The following GRIK4 variants were observed in gnomAD, a reference collection of about 807,000 sequenced individuals.
GRIK4 encodes the protein glutamate ionotropic receptor kainate type subunit 4.
In GRIK4, 40 loss-of-function variants were observed where a neutral mutation model predicts 104.9. That is an observed-to-expected ratio of 0.38 (90% CI 0.30 to 0.50). The LOEUF (loss-of-function observed/expected upper bound fraction) is 0.50. Ranked by LOEUF, GRIK4 falls within the 20% of genes least tolerant of loss-of-function variation. The pLI is 0.93. For synonymous variants in GRIK4, 485 were observed against 524.9 expected (o/e 0.92, Z 1.04); for missense variants, 1,047 against 1,308.1 (o/e 0.80, Z 3.08).
chr11:120,918,163 G>C (rs1943150690), intron 13 of GRIK4, among the ~76,000 whole-genome samples: 1 of 152,170 alleles, frequency 6.6e-6, no homozygotes, highest in South Asian at 2.1e-4. Flanking sequence ...AGCACGCAGG[G>C]ACCAAGCCTC....
chr11:120,874,262 G>A, intron 10 of GRIK4, 44 bp downstream of exon 10: 1 of 1,532,860 alleles, frequency 6.5e-7, no homozygotes, highest in Non-Finnish European at 8.9e-7. Flanking sequence ...CCAGGCTAGT[G>A]GGGTGGGACA....
intron 1 of GRIK4, among the ~76,000 whole-genome samples, chr11:120,631,325 G>C (rs1326547575): frequency 6.6e-6 from 1 of 152,190 alleles, no homozygotes; most frequent in African/African-American, 2.4e-5. Context: ...CTGACCCTAG[G>C]GTCTGGGGTG....
At chr11:120,837,176 G>A (rs539945779) in intron 8 of GRIK4, among the ~76,000 whole-genome samples, 3 of 152,186 alleles carry the variant, frequency 2.0e-5, no homozygotes, top group Non-Finnish European at 4.4e-5. Context: ...GGGATCAGGT[G>A]TCCTAAAAAG....
intron 12 of GRIK4, among the ~76,000 whole-genome samples, chr11:120,904,785 G>T (rs548211123): frequency 2.6e-5 from 4 of 152,148 alleles, no homozygotes; most frequent in African/African-American, 9.6e-5. Context: ...GCCTCCTCCA[G>T]AGCCCAGCTT....
intron 13 of GRIK4, among the ~76,000 whole-genome samples, chr11:120,912,148 A>G (rs1479041463): frequency 1.3e-5 from 2 of 152,082 alleles, no homozygotes; most frequent in Non-Finnish European, 2.9e-5. Flanking sequence ...AGAGAGGGAG[A>G]ATGTAGGATG....
chr11:120,979,620 T>C lies in GRIK4; in HGVS notation c.2396-2486T>C, dbSNP rs149102664. On this transcript the variant is annotated intron_variant, in intron 19 of 20. Transcript: ENST00000527524. ...GGAGAGAGTAAGGAGAATTTCTTTG[T>C]CTTCAAGGAGGGAGAAACATGAGTA... 3.0e-4 allele frequency among the ~76,000 whole-genome samples: 45 copies of C among 152,164 alleles called. 4 individuals carry two copies. In the East Asian group the frequency reaches 4.5e-3, roughly 15 times the overall value.
At chr11:120,552,508 G>A (rs1948149598) in intron 1 of GRIK4, among the ~76,000 whole-genome samples, 1 of 152,218 alleles carries the variant, frequency 6.6e-6, no homozygotes, top group Admixed American at 6.5e-5. Context: ...AGGGAATAAA[G>A]TGACAACTTT....
At chr11:120,772,718 G>A (rs1951970807) in intron 3 of GRIK4, among the ~76,000 whole-genome samples, 1 of 151,376 alleles carries the variant, frequency 6.6e-6, no homozygotes, top group Non-Finnish European at 1.5e-5. Flanking sequence ...GGAAGATGAA[G>A]TTTTGGGAGA....
At chr11:120,519,275 T>G (rs77569413) in intron 1 of GRIK4, among the ~76,000 whole-genome samples, 1,676 of 152,366 alleles carry the variant, frequency 0.011, 45 homozygotes, top group East Asian at 0.063. Flanking sequence ...GAACTGAATG[T>G]TGGTGTTCCC....
At chr11:120,889,737 T>A in intron 11 of GRIK4, among the ~76,000 whole-genome samples, 1 of 151,824 alleles carries the variant, frequency 6.6e-6, no homozygotes, top group Non-Finnish European at 1.5e-5. Flanking sequence ...CCGGAGTAGT[T>A]ATGATTACAG....
chr11:120,874,414 C>A (rs1954713281), intron 10 of GRIK4, among the ~76,000 whole-genome samples, 196 bp downstream of exon 10: 1 of 152,230 alleles, frequency 6.6e-6, no homozygotes, highest in Admixed American at 6.5e-5. Flanking sequence ...CCCCAATAAC[C>A]ACTGAGAATT....
At chr11:120,694,621 C>A (rs952243946) in intron 3 of GRIK4, among the ~76,000 whole-genome samples, 7 of 152,068 alleles carry the variant, frequency 4.6e-5, no homozygotes, top group Non-Finnish European at 1.0e-4. Context: ...TTCCTGAGGT[C>A]CCTGCCAGCT....
intron 3 of GRIK4, among the ~76,000 whole-genome samples, chr11:120,801,377 C>G (rs1952618634): frequency 6.6e-6 from 1 of 152,160 alleles, no homozygotes; most frequent in Non-Finnish European, 1.5e-5. Context: ...AGACGTCATG[C>G]CACCACACCT....
intron 3 of GRIK4, among the ~76,000 whole-genome samples, chr11:120,719,492 C>T (rs1950893658): frequency 6.6e-6 from 1 of 152,158 alleles, no homozygotes; most frequent in African/African-American, 2.4e-5. Context: ...GAGTGCTCCT[C>T]TTCTGGTAAA....
At chr11:120,601,444 A>G (rs1948885513) in intron 1 of GRIK4, among the ~76,000 whole-genome samples, 1 of 152,148 alleles carries the variant, frequency 6.6e-6, no homozygotes, top group Non-Finnish European at 1.5e-5. Flanking sequence ...AACCTTGTCC[A>G]GGAAGGTCTA....
At chr11:120,972,548 C>A (rs928892090) in intron 19 of GRIK4, among the ~76,000 whole-genome samples, 2 of 152,066 alleles carry the variant, frequency 1.3e-5, no homozygotes, top group African/African-American at 4.8e-5. Context: ...AATAGAAGAA[C>A]CAGGCCACCA....
intron 1 of GRIK4, chr11:120,620,417 C>A: frequency 2.0e-6 from 1 of 508,558 alleles, no homozygotes; most frequent in African/African-American, 1.9e-5. Context: ...TAACCCAGTC[C>A]CCATGTATGG....
chr11:120,617,582 G>A (rs1299697406), intron 1 of GRIK4, among the ~76,000 whole-genome samples: 1 of 152,114 alleles, frequency 6.6e-6, no homozygotes, highest in Admixed American at 6.5e-5. Context: ...GATATCATTT[G>A]GATCAGTGGG....
At chr11:120,808,243 C>T (rs1374411574) in intron 4 of GRIK4, among the ~76,000 whole-genome samples, 1 of 152,146 alleles carries the variant, frequency 6.6e-6, no homozygotes, top group Admixed American at 6.5e-5. Context: ...TCTACCAGCA[C>T]CCTGGGCTTC....
Sources: gnomAD v4.1 joint callset for allele counts (sites outside exome capture counted in the v4.1 genomes callset) on GRCh38, gnomAD v4.1.1 for gene constraint, MANE v1.5 for transcripts, NCBI Gene and HGNC (gene_info 2026-07-23, HGNC 2026-07-21) for gene names.